TAFA1: variants seen among roughly 807,000 people sequenced by gnomAD.
TAFA1 encodes chemokine-like protein TAFA-1.
TAFA1 carries 4 observed loss-of-function variants against 18.5 expected under a neutral mutation model. The ratio of observed to expected loss-of-function variants is 0.22; its 90% confidence interval spans 0.11 to 0.49. TAFA1 has a LOEUF of 0.49. TAFA1 is among the 20% of genes least tolerant of loss of function. The pLI, the probability that TAFA1 is intolerant of heterozygous loss-of-function variation, is 0.98. For synonymous variants in TAFA1, 56 were observed against 55.2 expected, an observed-to-expected ratio of 1.01 and a Z score of -0.06; for missense variants, 147 against 169.0, an observed-to-expected ratio of 0.87 and a Z score of 0.72.
intron 3 of TAFA1, among the ~76,000 whole-genome samples, chr3:68,424,044 G>A (rs1435260980): frequency 1.3e-5 from 2 of 152,028 alleles, no homozygotes; most frequent in Non-Finnish European, 2.9e-5. Context: ...TTTCACGGCA[G>A]TGAAAACCCA....
intron 2 of TAFA1, among the ~76,000 whole-genome samples, chr3:68,085,950 T>G (rs2064965720): frequency 6.6e-6 from 1 of 152,196 alleles, no homozygotes; most frequent in Non-Finnish European, 1.5e-5. Flanking sequence ...GGATCTTTAT[T>G]GCAGAAGATG....
intron 2 of TAFA1, among the ~76,000 whole-genome samples, chr3:68,134,995 G>A (rs2065589389): frequency 6.6e-6 from 1 of 152,100 alleles, no homozygotes; most frequent in South Asian, 2.1e-4. Flanking sequence ...AAATTTCTTA[G>A]TATGTGATTT....
At chr3:68,002,556 CT>C (rs1704295309), upstream of TAFA1, among the ~76,000 whole-genome samples, 1 of 152,194 alleles carries the variant, frequency 6.6e-6, no homozygotes, top group African/African-American at 2.4e-5. Context: ...CAAAAGCCAT[CT>C]TGTATACTTC....
chr3:67,997,129 C>A, the TAFA1 span, among the ~76,000 whole-genome samples: 128 of 152,174 alleles, frequency 8.4e-4, 5 homozygotes, highest in South Asian at 0.025. Context: ...AAGGATTTTT[C>A]AAATAGAAAG....
intron 3 of TAFA1, among the ~76,000 whole-genome samples, chr3:68,424,013 A>C (rs2071008601): frequency 6.6e-6 from 1 of 152,104 alleles, no homozygotes; most frequent in Admixed American, 6.6e-5. Context: ...CAAAAAGGCC[A>C]GGTTACATCA....
At chr3:68,135,879 A>G (rs1190425182) in intron 2 of TAFA1, among the ~76,000 whole-genome samples, 1 of 152,164 alleles carries the variant, frequency 6.6e-6, no homozygotes, top group Non-Finnish European at 1.5e-5. Flanking sequence ...GGGGAGGTGA[A>G]TCTTATGTGC....
intron 2 of TAFA1, among the ~76,000 whole-genome samples, chr3:68,374,435 TATCTA>T (rs1234469298): frequency 3.9e-5 from 6 of 152,162 alleles, no homozygotes; most frequent in Admixed American, 3.9e-4. Context: ...TCTGTACTGT[TATCTA>T]TATATACTGA....
chr3:68,069,543 C>A (rs2064725900), intron 2 of TAFA1, among the ~76,000 whole-genome samples: 1 of 152,128 alleles, frequency 6.6e-6, no homozygotes, highest in Non-Finnish European at 1.5e-5. Context: ...ACCCCTCACC[C>A]CTCCCAAACT....
chr3:68,273,753 C>T (rs558120760), intron 2 of TAFA1, among the ~76,000 whole-genome samples: 3 of 152,222 alleles, frequency 2.0e-5, no homozygotes, highest in Admixed American at 2.0e-4. Flanking sequence ...CAACGGTGAG[C>T]TAAACTAGGT....
intron 2 of TAFA1, among the ~76,000 whole-genome samples, chr3:68,042,599 A>C (rs1024222689): frequency 6.6e-6 from 1 of 152,216 alleles, no homozygotes; most frequent in Non-Finnish European, 1.5e-5. Context: ...CAGTGAGCCA[A>C]GGTTGTGCCA....
chr3:68,462,699 A>G (rs745764685), intron 3 of TAFA1, among the ~76,000 whole-genome samples: 15 of 152,162 alleles, frequency 9.9e-5, no homozygotes, highest in South Asian at 4.1e-4. Flanking sequence ...GTTCCTTGTC[A>G]TAGAGTAAAC....
chr3:68,176,692 A>G (rs1033098104), intron 2 of TAFA1, among the ~76,000 whole-genome samples: 3 of 152,182 alleles, frequency 2.0e-5, no homozygotes, highest in African/African-American at 2.4e-5. Flanking sequence ...AACCCTGACC[A>G]ATGTGTTTGT....
At chr3:68,089,204 G>A (rs2106793385) in intron 2 of TAFA1, among the ~76,000 whole-genome samples, 1 of 152,240 alleles carries the variant, frequency 6.6e-6, no homozygotes, top group East Asian at 1.9e-4. Flanking sequence ...AAATTTGGGA[G>A]TTCTCAGTAT....
chr3:68,530,469 G>A (rs1417375492), intron 3 of TAFA1, among the ~76,000 whole-genome samples: 1 of 152,160 alleles, frequency 6.6e-6, no homozygotes, highest in Non-Finnish European at 1.5e-5. Context: ...AAAGAAAGAT[G>A]AACATTCTGG....
intron 3 of TAFA1, among the ~76,000 whole-genome samples, chr3:68,479,808 G>A (rs762561753): frequency 6.6e-6 from 1 of 152,030 alleles, no homozygotes; most frequent in Middle Eastern, 3.4e-3. Flanking sequence ...AGTAATGGAT[G>A]GTTCATAGGC....
At chr3:68,209,674 T>A (rs1306991108) in intron 2 of TAFA1, among the ~76,000 whole-genome samples, 2 of 152,072 alleles carry the variant, frequency 1.3e-5, no homozygotes, top group Non-Finnish European at 2.9e-5. Context: ...TTTGCTTTTT[T>A]AAATTGTTAA....
chr3:68,529,391 A>AATCAT (rs1280692500), intron 3 of TAFA1, among the ~76,000 whole-genome samples: 1 of 139,804 alleles, frequency 7.2e-6, no homozygotes, highest in Non-Finnish European at 1.5e-5. Context: ...CCTACCCTTT[A>AATCAT]ATCATATCTC....
At chr3:68,221,889 A>G (rs113237529) in intron 2 of TAFA1, among the ~76,000 whole-genome samples, 5 of 152,282 alleles carry the variant, frequency 3.3e-5, no homozygotes, top group African/African-American at 1.2e-4. Context: ...TTGGATACTT[A>G]TTTGTGAAAT....
At chr3:68,491,641 G>A (rs527578452) in intron 3 of TAFA1, among the ~76,000 whole-genome samples, 1 of 151,958 alleles carries the variant, frequency 6.6e-6, no homozygotes, top group South Asian at 2.1e-4. Context: ...GTATACATAT[G>A]TAACTAACCT....
Sources: gnomAD v4.1 joint callset for allele counts (sites outside exome capture counted in the v4.1 genomes callset) on GRCh38, gnomAD v4.1.1 for gene constraint, MANE v1.5 for transcripts, NCBI Gene and HGNC (gene_info 2026-07-23, HGNC 2026-07-21) for gene names.